Variants in ANK3 observed in about 807,000 individuals in gnomAD.
ANK3 encodes ankyrin-3.
In ANK3, 57 loss-of-function variants were observed where a neutral mutation model predicts 370.9. That is an observed-to-expected ratio of 0.15 (90% confidence interval 0.12 to 0.19). The LOEUF (loss-of-function observed/expected upper bound fraction) is 0.19, where lower values mean the gene tolerates loss of function less well. Ranked by LOEUF, ANK3 falls within the 10% of genes least tolerant of loss-of-function variation. ANK3 has a pLI of 1.00. For synonymous variants in ANK3, 1,929 were observed against 1,946.3 expected (o/e 0.99, Z 0.23); for missense variants, 4,439 against 5,302.1 (o/e 0.84, Z 5.06).
At chr10:60,223,974 T>C (rs543420925) in intron 8 of ANK3, among the ~76,000 whole-genome samples, 1 of 152,230 alleles carries the variant, frequency 6.6e-6, no homozygotes, top group Non-Finnish European at 1.5e-5. Flanking sequence ...TAAGGATTCT[T>C]ACTTGCCTCC....
At chr10:60,188,442 A>C (rs1425821709) in intron 16 of ANK3, among the ~76,000 whole-genome samples, 1 of 152,200 alleles carries the variant, frequency 6.6e-6, no homozygotes, top group African/African-American at 2.4e-5. Flanking sequence ...CATAGACAGG[A>C]AGATTTAGAA....
At chr10:60,226,292 T>TATA (rs2097140064) in intron 8 of ANK3, among the ~76,000 whole-genome samples, 4 of 112,514 alleles carry the variant, frequency 3.6e-5, no homozygotes, top group East Asian at 5.4e-4. Context: ...TATGCTATAT[T>TATA]ATATAGTATA....
At chr10:60,719,303 C>T (rs1564616199) in intron 1 of ANK3, among the ~76,000 whole-genome samples, 1 of 152,060 alleles carries the variant, frequency 6.6e-6, no homozygotes, top group Non-Finnish European at 1.5e-5. Flanking sequence ...TTGTAATAAG[C>T]ATCCTTGTAA....
chr10:60,706,686 T>C (rs972401506), intron 1 of ANK3, among the ~76,000 whole-genome samples: 5 of 152,226 alleles, frequency 3.3e-5, no homozygotes, highest in Non-Finnish European at 7.3e-5. Context: ...ATAATGTTTG[T>C]GTAATAAAGC....
chr10:60,694,526 C>G lies in ANK3; in HGVS notation c.57+38737G>C, dbSNP rs1024870653. ...GGTCGGGTTACCCTCAAAGGGAAGC[C>G]CATCAGACTAACAGCGGATCTCTCA... On this transcript the variant is annotated intron_variant, in intron 1 of 43. Transcript: ENST00000373827. Among the ~76,000 whole-genome samples the G allele has an allele frequency of 2.6e-5, 4 of 151,976 alleles. No homozygotes were observed. The South Asian group carries it at 6.2e-4, about 24-fold the overall frequency.
intron 1 of ANK3, among the ~76,000 whole-genome samples, chr10:60,697,987 A>G (rs1419490682): frequency 6.6e-6 from 1 of 152,118 alleles, no homozygotes; most frequent in Non-Finnish European, 1.5e-5. Context: ...ATGGGAGAAA[A>G]TTTTCACAAC....
chr10:60,278,168 T>G (rs757997650), intron 4 of ANK3, among the ~76,000 whole-genome samples: 6 of 152,208 alleles, frequency 3.9e-5, no homozygotes, highest in Non-Finnish European at 7.3e-5. Flanking sequence ...TTTATTAAAC[T>G]TGAGGACTTT....
chr10:60,583,614 G>A lies in ANK3; in HGVS notation c.96+31572C>T, dbSNP rs914145583. Among the ~76,000 whole-genome samples the A allele has an allele frequency of 3.3e-5, 5 of 149,360 alleles. No individual in the cohort carries two copies. In the East Asian group the frequency reaches 6.0e-4, roughly 18 times the overall value. ...GTCACTCAGGCTGGAGTGCAGTGGCGCTCCAGTTCTGTCACCCAGGTTGCA... is the reference window on the plus strand; with the variant it reads ...GTCACTCAGGCTGGAGTGCAGTGGCACTCCAGTTCTGTCACCCAGGTTGCA... On this transcript the variant is annotated intron_variant, in intron 2 of 43. Transcript: ENST00000373827.
chr10:60,450,826 C>T (rs950738233), intron 2 of ANK3, among the ~76,000 whole-genome samples: 2 of 152,148 alleles, frequency 1.3e-5, no homozygotes, highest in Non-Finnish European at 2.9e-5. Context: ...GAACACTTAA[C>T]GTGAATTTTC....
chr10:60,553,213 T>C (rs1025134939), intron 2 of ANK3, among the ~76,000 whole-genome samples: 1 of 152,194 alleles, frequency 6.6e-6, no homozygotes, highest in African/African-American at 2.4e-5. Flanking sequence ...ATACTAGGCT[T>C]TGGATTCTGA....
intron 16 of ANK3, 55 bp from the exon 17 acceptor site, chr10:60,186,967 A>C: frequency 6.6e-7 from 1 of 1,511,608 alleles, no homozygotes; most frequent in South Asian, 1.1e-5. Flanking sequence ...AAATGTGCAC[A>C]GTGCATTTTC....
chr10:60,216,329 C>T (rs1203260559), intron 8 of ANK3, among the ~76,000 whole-genome samples: 1 of 152,116 alleles, frequency 6.6e-6, no homozygotes, highest in Non-Finnish European at 1.5e-5. Flanking sequence ...GACAGGGCAT[C>T]CTTGTTTGTA....
intron 2 of ANK3, among the ~76,000 whole-genome samples, chr10:60,405,450 A>G (rs2063434838): frequency 2.0e-5 from 3 of 152,196 alleles, no homozygotes; most frequent in Admixed American, 2.0e-4. Flanking sequence ...AAACTAATCT[A>G]TAGTGAAAAA....
intron 1 of ANK3, among the ~76,000 whole-genome samples, chr10:60,362,216 T>TA (rs1330910827): frequency 6.6e-6 from 1 of 152,144 alleles, no homozygotes; most frequent in African/African-American, 2.4e-5. Context: ...CAAATTTCAT[T>TA]AAAAAACACT....
intron 1 of ANK3, among the ~76,000 whole-genome samples, chr10:60,335,092 TG>T (rs2052485501): frequency 6.6e-6 from 1 of 152,158 alleles, no homozygotes; most frequent in African/African-American, 2.4e-5. Context: ...TTAAGAAAAA[TG>T]TGCATGCGTG....
chr10:60,528,031 G>A (rs181048465), intron 2 of ANK3, among the ~76,000 whole-genome samples: 1 of 151,772 alleles, frequency 6.6e-6, no homozygotes, highest in African/African-American at 2.4e-5. Context: ...ACCAAGATGG[G>A]ATACATGCAA....
At chr10:60,482,208 G>A (rs1230301065) in intron 2 of ANK3, among the ~76,000 whole-genome samples, 1 of 152,044 alleles carries the variant, frequency 6.6e-6, no homozygotes, top group Non-Finnish European at 1.5e-5. Context: ...AGCTCTACCT[G>A]CCCAACAATA....
intron 2 of ANK3, among the ~76,000 whole-genome samples, chr10:60,602,658 G>C (rs769843749): frequency 6.6e-6 from 1 of 152,066 alleles, no homozygotes; most frequent in East Asian, 1.9e-4. Context: ...GATGGGAAAA[G>C]TACATCTTTA....
At chr10:60,032,194 C>CTTTTTTTTTTTTTT (rs552219776) in intron 43 of ANK3, among the ~76,000 whole-genome samples, 933 of 43,120 alleles carry the variant, frequency 0.022, 304 homozygotes, top group Non-Finnish European at 0.033. Flanking sequence ...TACACAGCTT[C>CTTTTTTTTTTTTTT]TTTTTTTTTT....
Sources: gnomAD v4.1 joint callset for allele counts (sites outside exome capture counted in the v4.1 genomes callset) on GRCh38, gnomAD v4.1.1 for gene constraint, MANE v1.5 for transcripts, NCBI Gene and HGNC (gene_info 2026-07-23, HGNC 2026-07-21) for gene names.